The following TENM2 variants were observed in gnomAD, a reference collection of about 807,000 sequenced individuals.
TENM2 encodes teneurin transmembrane protein 2.
A neutral mutation model predicts 245.2 loss-of-function variants in TENM2; 52 were observed. The observed-to-expected ratio is 0.21, with a 90% confidence interval of 0.17 to 0.27. TENM2 has a LOEUF of 0.27. TENM2 is among the 10% of genes least tolerant of loss of function. The pLI is 1.00. For missense variants in TENM2, 3,046 were observed against 3,666.8 expected (o/e 0.83, Z 4.37); for synonymous variants, 1,363 against 1,438.9 (o/e 0.95, Z 1.19).
In TENM2 at chr5:167,884,256, T is replaced by G. The variant is rs572573194; in HGVS notation, c.712+8061T>G. On this transcript the variant is annotated intron_variant, in intron 3 of 28. Coordinates refer to ENST00000518659, the Ensembl canonical transcript of TENM2. ...CAATGTTCTATTGTGGGCAAATATA[T>G]ATAACATGAAATTTACCATTTATAC... Among the ~76,000 whole-genome samples the G allele has an allele frequency of 3.5e-4, 54 of 152,342 alleles. No individual in the cohort carries two copies. In the South Asian group the frequency reaches 6.4e-3, roughly 18 times the overall value.
At chr5:167,897,508 C>T (rs938916798) in intron 3 of TENM2, among the ~76,000 whole-genome samples, 1 of 152,192 alleles carries the variant, frequency 6.6e-6, no homozygotes, top group African/African-American at 2.4e-5. Flanking sequence ...TCATCATCTT[C>T]CTTTCTTGCT....
the TENM2 span, among the ~76,000 whole-genome samples, chr5:167,123,324 T>A: frequency 6.6e-6 from 1 of 152,070 alleles, no homozygotes; most frequent in African/African-American, 2.4e-5. Flanking sequence ...CAAGACTCTG[T>A]CTCAAAAAAT....
chr5:167,916,486 G>C (rs960389264), intron 3 of TENM2, among the ~76,000 whole-genome samples: 1 of 152,124 alleles, frequency 6.6e-6, no homozygotes, highest in Non-Finnish European at 1.5e-5. Context: ...CATCAATCCC[G>C]GGGAGCAACT....
intron 1 of TENM2, among the ~76,000 whole-genome samples, chr5:167,360,113 C>G (rs992458942): frequency 1.3e-5 from 2 of 152,092 alleles, no homozygotes; most frequent in African/African-American, 4.8e-5. Context: ...ACAACAAACC[C>G]CGGTGATACA....
chr5:168,177,808 G>T (rs1759490621), intron 13 of TENM2, among the ~76,000 whole-genome samples: 1 of 152,202 alleles, frequency 6.6e-6, no homozygotes, highest in East Asian at 1.9e-4. Context: ...CTGCACTGCA[G>T]CCTGGGTAAC....
chr5:167,970,536 G>C (rs1583519850), intron 4 of TENM2, among the ~76,000 whole-genome samples: 1 of 152,112 alleles, frequency 6.6e-6, no homozygotes, highest in Admixed American at 6.5e-5. Flanking sequence ...GAATGACTTC[G>C]AAGAACTTTT....
chr5:167,044,336 G>A, the TENM2 span, among the ~76,000 whole-genome samples: 1 of 152,268 alleles, frequency 6.6e-6, no homozygotes, highest in South Asian at 2.1e-4. Context: ...TATGAATGGT[G>A]TGAAGACGAA....
At chr5:167,046,190 CT>C in the TENM2 span, among the ~76,000 whole-genome samples, 4 of 152,086 alleles carry the variant, frequency 2.6e-5, no homozygotes, top group African/African-American at 9.7e-5. Context: ...GAAAATAACT[CT>C]GTGTGGACGT....
chr5:167,878,032 C>T (rs1773573789), intron 3 of TENM2, among the ~76,000 whole-genome samples: 1 of 152,118 alleles, frequency 6.6e-6, no homozygotes, highest in Non-Finnish European at 1.5e-5. Flanking sequence ...AAAACTATAT[C>T]CTTTTATGCA....
chr5:167,383,494 T>C (rs1761217853), intron 2 of TENM2, among the ~76,000 whole-genome samples: 1 of 152,138 alleles, frequency 6.6e-6, no homozygotes, highest in Admixed American at 6.5e-5. Flanking sequence ...AGTTCGAATC[T>C]GTCAGATAAA....
chr5:167,967,389 G>A (rs547351799), intron 4 of TENM2, among the ~76,000 whole-genome samples: 4 of 152,172 alleles, frequency 2.6e-5, no homozygotes, highest in Non-Finnish European at 2.9e-5. Context: ...GTTGTGGCAC[G>A]TGTGCAAATT....
intron 2 of TENM2, among the ~76,000 whole-genome samples, chr5:167,807,830 C>A (rs771739922): frequency 5.3e-5 from 8 of 152,010 alleles, no homozygotes; most frequent in African/African-American, 1.7e-4. Context: ...ATTAGAAATA[C>A]CTGGGGAACT....
chr5:167,858,806 G>C lies in TENM2; in HGVS notation c.503-17180G>C, dbSNP rs1336393470. Among the ~76,000 whole-genome samples the C allele has an allele frequency of 6.7e-5, 10 of 149,494 alleles. No homozygotes were observed. The East Asian group carries it at 1.8e-3, about 27-fold the overall frequency. ...CTGTCTCAGTCTTTGCCGCCGCGCC[G>C]GCGAGCGCCGCCCGGGAGGCAGCGG... On this transcript the variant is annotated intron_variant, in intron 2 of 28. Transcript: ENST00000518659.
chr5:167,987,674 G>T (rs183406498), intron 4 of TENM2, among the ~76,000 whole-genome samples: 26 of 152,084 alleles, frequency 1.7e-4, no homozygotes, highest in Admixed American at 3.9e-4. Flanking sequence ...TACCTGGATA[G>T]GGCCCAGGAT....
At chr5:167,100,721 C>A in the TENM2 span, among the ~76,000 whole-genome samples, 1 of 151,970 alleles carries the variant, frequency 6.6e-6, no homozygotes. Context: ...GGGAGGGGTG[C>A]AACAAAGAGA....
At chr5:167,914,998 A>G (rs1454386732) in intron 3 of TENM2, among the ~76,000 whole-genome samples, 1 of 152,194 alleles carries the variant, frequency 6.6e-6, no homozygotes, top group Non-Finnish European at 1.5e-5. Flanking sequence ...AGGGGTTAGG[A>G]CATCAACATA....
chr5:167,791,847 G>GCCACA (rs1764999275), intron 2 of TENM2, among the ~76,000 whole-genome samples: 1 of 152,068 alleles, frequency 6.6e-6, no homozygotes. Context: ...ATCCCCATGT[G>GCCACA]TCTCAGAGTC....
At chr5:167,494,004 C>T (rs1409809089) in intron 2 of TENM2, among the ~76,000 whole-genome samples, 1 of 152,020 alleles carries the variant, frequency 6.6e-6, no homozygotes, top group African/African-American at 2.4e-5. Flanking sequence ...AAGACAATTT[C>T]CAGATGGAAT....
chr5:167,876,754 C>T (rs549136731), intron 3 of TENM2, among the ~76,000 whole-genome samples: 1 of 152,070 alleles, frequency 6.6e-6, no homozygotes, highest in African/African-American at 2.4e-5. Context: ...CTCCTGTAAC[C>T]CTTTGCTTGT....
Sources: gnomAD v4.1 joint callset for allele counts (sites outside exome capture counted in the v4.1 genomes callset) on GRCh38, gnomAD v4.1.1 for gene constraint, MANE v1.5 for transcripts, NCBI Gene and HGNC (gene_info 2026-07-23, HGNC 2026-07-21) for gene names.